The following C6orf89 variants were observed in gnomAD, a reference collection of about 807,000 sequenced individuals.
C6orf89 encodes chromosome 6 open reading frame 89.
In C6orf89, 29 loss-of-function variants were observed where a neutral mutation model predicts 40.7. The ratio of observed to expected loss-of-function variants is 0.71; its 90% confidence interval spans 0.53 to 0.97. The LOEUF is 0.97. Ranked by LOEUF, C6orf89 falls within the 50% of genes least tolerant of loss-of-function variation. The probability of loss-of-function intolerance (pLI) is 0.00; values close to 1 mark genes in which losing one functional copy is unlikely to be tolerated. For synonymous variants in C6orf89, 165 were observed against 152.2 expected, an observed-to-expected ratio of 1.08 and a Z score of -0.62; for missense variants, 392 against 429.1, an observed-to-expected ratio of 0.91 and a Z score of 0.76.
intron 8 of C6orf89, among the ~76,000 whole-genome samples, chr6:36,921,730 A>G (rs1762515285): frequency 6.6e-6 from 1 of 152,070 alleles, no homozygotes; most frequent in Non-Finnish European, 1.5e-5. Context: ...TAAGTGTACA[A>G]GACAGCATTG....
At chr6:36,915,885 G>A (rs1762297292) in intron 6 of C6orf89, among the ~76,000 whole-genome samples, 1 of 152,166 alleles carries the variant, frequency 6.6e-6, no homozygotes, top group South Asian at 2.1e-4. Context: ...TGTCTAGTAA[G>A]AAAAGAAAGC....
intron 4 of C6orf89, among the ~76,000 whole-genome samples, chr6:36,911,933 C>CT (rs975742969): frequency 7.3e-6 from 1 of 136,464 alleles, no homozygotes; most frequent in Admixed American, 7.2e-5. Context: ...ACAGTGAACC[C>CT]CCCCCCCCCG....
At chr6:36,894,034 A>AG (rs1292748166) in intron 1 of C6orf89, among the ~76,000 whole-genome samples, 1 of 151,062 alleles carries the variant, frequency 6.6e-6, no homozygotes, top group African/African-American at 2.5e-5. Context: ...AAAAAAAAAA[A>AG]AAAAGGAAAA....
intron 1 of C6orf89, among the ~76,000 whole-genome samples, chr6:36,894,140 T>C (rs907349205): frequency 6.6e-6 from 1 of 152,226 alleles, no homozygotes; most frequent in African/African-American, 2.4e-5. Flanking sequence ...CCTGTACTTT[T>C]GTCCCCTTCA....
At chr6:36,877,550 C>T (rs1005629802) in intron 1 of C6orf89, among the ~76,000 whole-genome samples, 1 of 152,124 alleles carries the variant, frequency 6.6e-6, no homozygotes, top group Non-Finnish European at 1.5e-5. Flanking sequence ...AGGATGGTCT[C>T]AATCTCTTGA....
chr6:36,913,919 G>A (rs1166287867), intron 4 of C6orf89, among the ~76,000 whole-genome samples: 1 of 152,048 alleles, frequency 6.6e-6, no homozygotes, highest in African/African-American at 2.4e-5. Context: ...CCAGCATTTT[G>A]GGAGGCCAAG....
rs574071638 is a variant in C6orf89, at chr6:36,903,663, G to C, written c.403+1229G>C. On this transcript the variant is annotated intron_variant, in intron 4 of 8. Coordinates refer to ENST00000480824, the MANE Select transcript of C6orf89 (RefSeq NM_001286635.2). ...TCTAGTAGAGACAGGGTTTCACCGT[G>C]TTAGCCAGGATGGTCTCATAATGTC... is the stretch of plus-strand genomic sequence containing the variant. 2.0e-5 allele frequency among the ~76,000 whole-genome samples: 3 copies of C among 152,218 alleles called. No individual in the cohort carries two copies. In the East Asian group the frequency reaches 5.8e-4, roughly 29 times the overall value.
chr6:36,878,660 T>C (rs564706401), intron 1 of C6orf89, among the ~76,000 whole-genome samples: 1 of 147,554 alleles, frequency 6.8e-6, no homozygotes, highest in African/African-American at 2.4e-5. Context: ...CCTAGCTTTA[T>C]AGTCAGACAA....
At position 36,925,436 on chromosome 6, in the gene C6orf89, A is replaced by G. The variant is rs2150722048; in HGVS notation, c.*1995A>G. The G allele has an allele frequency of 6.6e-6, 1 of 152,292 alleles. No individual in the cohort carries two copies. The highest frequency in any genetic ancestry group is 2.1e-4 in the South Asian group (1 of 4,826). 9.4% of individuals were successfully genotyped at this position (152,292 alleles called of 1,614,324 possible). A position where few individuals can be genotyped will look rare whatever the true frequency, so the allele number is the denominator to read the frequency against. Reference sequence around the variant, plus strand: ...CTTGCCCTTCACATCTTAAATGTCCATAAGAAACCCTTGCATGTGTTGGTA... The same window carrying G: ...CTTGCCCTTCACATCTTAAATGTCCGTAAGAAACCCTTGCATGTGTTGGTA... On this transcript the variant is annotated 3_prime_UTR_variant, in exon 9 of 9. Transcript: ENST00000480824.
chr6:36,908,044 G>A (rs1268492644), intron 4 of C6orf89, among the ~76,000 whole-genome samples: 3 of 152,162 alleles, frequency 2.0e-5, no homozygotes, highest in Non-Finnish European at 4.4e-5. Context: ...GACTCTGTGG[G>A]GAGAGGAAGA....
chr6:36,884,663 C>T (rs1347829710), upstream of C6orf89, among the ~76,000 whole-genome samples: 7 of 152,074 alleles, frequency 4.6e-5, no homozygotes. The surrounding 1 kb of genome is among the most constrained non-coding windows in gnomAD (Gnocchi z 4.0). Context: ...GTTCTGGTCA[C>T]GCTGTCACCT....
intron 7 of C6orf89, among the ~76,000 whole-genome samples, chr6:36,917,994 G>T (rs1292535439): frequency 1.3e-5 from 2 of 152,212 alleles, no homozygotes; most frequent in Non-Finnish European, 2.9e-5. Flanking sequence ...TGAGAACCCA[G>T]TTTCTTAGAG....
chr6:36,885,862 C>T (rs1774956377), upstream of C6orf89: 5 of 520,450 alleles, frequency 9.6e-6, no homozygotes, highest in Non-Finnish European at 1.5e-5. Context: ...CTGTTTTGGG[C>T]GGAAGCGCTG....
At position 36,927,692 on chromosome 6, in the gene C6orf89, T is replaced by G. The variant is rs1583214861; in HGVS notation, c.*4251T>G. 6.6e-6 allele frequency: 1 copy of G among 152,360 alleles called. No homozygotes were observed. Among genetic ancestry groups the G allele is most frequent in the African/African-American group, 2.4e-5 (1 of 41,570 alleles). The allele number at this position is 152,360 out of a possible 1,614,324, so 9.4% of individuals were successfully genotyped here. On this transcript the variant is annotated 3_prime_UTR_variant, in exon 9 of 9. Transcript: ENST00000480824. ...CTGAAATTCTCTCTGTATTTGGACC[T>G]GCAGATGTTGTGTACAGAACCGATG...
chr6:36,879,346 T>C (rs1038872022), intron 2 of C6orf89, among the ~76,000 whole-genome samples: 1 of 152,328 alleles, frequency 6.6e-6, no homozygotes, highest in East Asian at 1.9e-4. Flanking sequence ...ACATGTATTT[T>C]GCTCTGGCCG....
intron 2 of C6orf89, 34 bp from the exon 3 acceptor site, chr6:36,899,392 C>G (rs1761573396): frequency 6.2e-7 from 1 of 1,605,636 alleles, no homozygotes; most frequent in Non-Finnish European, 8.5e-7. Context: ...AACCACCTTT[C>G]TTTTTACATT....
Position 36,923,726 on chromosome 6 carries a change from C to T in C6orf89, c.*285C>T, listed in dbSNP as rs1166405634. 4.9e-6 allele frequency: 2 copies of T among 405,796 alleles called. No homozygotes were observed. Among genetic ancestry groups the T allele is most frequent in the African/African-American group, 2.1e-5 (1 of 48,524 alleles). The allele number at this position is 405,796 out of a possible 1,614,324, so 25.1% of individuals were successfully genotyped here. On this transcript the variant is annotated 3_prime_UTR_variant, in exon 9 of 9. Coordinates refer to ENST00000480824, the MANE Select transcript of C6orf89 (RefSeq NM_001286635.2). Reference sequence around the variant, plus strand: ...TCTTCCGGGCCTTTGGACACTATGACCTTGATGCTGCCCTTCAGGCAGGAA... The same window carrying T: ...TCTTCCGGGCCTTTGGACACTATGATCTTGATGCTGCCCTTCAGGCAGGAA...
intron 1 of C6orf89, among the ~76,000 whole-genome samples, chr6:36,878,382 G>A (rs964668227): frequency 5.9e-5 from 9 of 152,164 alleles, no homozygotes; most frequent in Non-Finnish European, 1.2e-4. Context: ...GAGATTTGGC[G>A]CTACACACAG....
In C6orf89 at chr6:36,923,350, A is replaced by G. The variant is rs776731507; in HGVS notation, c.953A>G (p.Tyr318Cys). 5 of 1,612,442 alleles carry G rather than the reference A, an allele frequency of 3.1e-6. No individual in the cohort carries two copies. The highest frequency in any genetic ancestry group is 4.2e-6 in the Non-Finnish European group (5 of 1,178,692). The change falls in exon 9 of 9, where the codon TAT (tyrosine) becomes TGT (cysteine). Residue 318 changes from tyrosine to cysteine, a missense_variant. Physicochemically the swap from Tyr to Cys is radical, Grantham distance 194. Transcript: ENST00000480824. Reference protein sequence around the residue: ...AMPIEPGDIGYVDTTHWKVYV... With the variant: ...AMPIEPGDIGCVDTTHWKVYV... Reference sequence around the variant, plus strand: ...CCTCTTGCTATTTCCCCTCAAGGCTATGTCGACACCACCCACTGGAAGGTC... The same window carrying G: ...CCTCTTGCTATTTCCCCTCAAGGCTGTGTCGACACCACCCACTGGAAGGTC...
Sources: gnomAD v4.1 joint callset for allele counts (sites outside exome capture counted in the v4.1 genomes callset) on GRCh38, gnomAD v4.1.1 for gene constraint, Gnocchi (gnomAD v3.1) non-coding constraint, MANE v1.5 for transcripts, NCBI Gene and HGNC (gene_info 2026-07-23, HGNC 2026-07-21) for gene names.